Variants in NLRP5 observed in about 807,000 individuals in gnomAD.
The protein encoded by NLRP5 is NACHT, LRR and PYD domains-containing protein 5.
A neutral mutation model predicts 113.1 loss-of-function variants in NLRP5; 93 were observed. That is an observed-to-expected ratio of 0.82 (90% CI 0.70 to 0.98). NLRP5 has a LOEUF of 0.98. NLRP5 is among the 50% of genes least tolerant of loss of function. NLRP5 has a pLI of 0.00. For missense variants in NLRP5, 1,808 were observed against 1,514.3 expected (o/e 1.19, Z -3.22); for synonymous variants, 751 against 600.7 (o/e 1.25, Z -3.66).
Position 56,061,520 on chromosome 19 carries a change from A to G in NLRP5, c.3595A>G (p.Lys1199Glu). The change falls in exon 15 of 15, where the codon AAA (lysine) becomes GAA (glutamate). Residue 1199 changes from lysine to glutamate, a missense_variant. By Grantham distance (56) the Lys-to-Glu change is moderately conservative. Transcript: ENST00000390649. ...TGATGAAGATGACCGGTACTGGTGG[A>G]AAAACTGAAGATACGGAAACCTGCC... 1 of 1,613,958 alleles carries G rather than the reference A, an allele frequency of 6.2e-7. No individual in the cohort carries two copies.
chr19:56,025,746 C>T (rs572691413), intron 6 of NLRP5, among the ~76,000 whole-genome samples: 8 of 152,038 alleles, frequency 5.3e-5, no homozygotes, highest in South Asian at 2.1e-4. Flanking sequence ...TCCCCCATTG[C>T]GTGGGGGAAA....
intron 7 of NLRP5, among the ~76,000 whole-genome samples, chr19:56,031,338 A>G (rs1421268876): frequency 1.3e-5 from 2 of 152,134 alleles, no homozygotes; most frequent in Non-Finnish European, 2.9e-5. Context: ...TCAAAGTAGA[A>G]TCATGAGCCC....
chr19:56,045,785 G>A (rs913475811), intron 11 of NLRP5, among the ~76,000 whole-genome samples: 4 of 152,310 alleles, frequency 2.6e-5, no homozygotes, highest in Non-Finnish European at 4.4e-5. Flanking sequence ...GTCACAAGGT[G>A]GGAGGGGTCA....
At chr19:56,042,590 C>A (rs932160712) in intron 11 of NLRP5, among the ~76,000 whole-genome samples, 1 of 138,106 alleles carries the variant, frequency 7.2e-6, no homozygotes, top group South Asian at 2.3e-4. Context: ...CACAGGTGAT[C>A]TGCCTGCCTC....
upstream of NLRP5, among the ~76,000 whole-genome samples, chr19:55,994,870 T>G (rs1427753906): frequency 1.3e-5 from 2 of 152,214 alleles, no homozygotes; most frequent in Non-Finnish European, 2.9e-5. Flanking sequence ...TTCTGGTAGT[T>G]TTATTATTTC....
At chr19:56,044,750 G>A (rs1330766147) in intron 11 of NLRP5, among the ~76,000 whole-genome samples, 4 of 152,130 alleles carry the variant, frequency 2.6e-5, no homozygotes, top group Admixed American at 2.0e-4. Flanking sequence ...AAGAATGATG[G>A]TGGTATTTTG....
chr19:56,003,774 C>T lies in NLRP5; in HGVS notation c.121C>T (p.Pro41Ser), dbSNP rs374223870. ...TATATTACCAAAGAATCCACTTTTCCCCCAAAACCTGAGCTCTCAGCCTTG... is the reference window on the plus strand; with the variant it reads ...TATATTACCAAAGAATCCACTTTTCTCCCAAAACCTGAGCTCTCAGCCTTG... The change falls in exon 2 of 15, where the codon CCC becomes TCC. Residue 41 changes from proline (P) to serine (S), a missense_variant. Coordinates refer to ENST00000390649, the MANE Select transcript of NLRP5 (RefSeq NM_153447.4). 6.2e-7 allele frequency: 1 copy of T among 1,613,536 alleles called. No homozygotes were observed. Among genetic ancestry groups the T allele is most frequent in the African/African-American group, 1.3e-5 (1 of 74,880 alleles).
Position 56,033,562 on chromosome 19 carries a change from C to A in NLRP5, c.2468C>A (p.Thr823Asn). The change falls in exon 9 of 15, where the codon ACC (threonine) becomes AAC (asparagine). Residue 823 changes from threonine to asparagine, a missense_variant. Thr to Asn is a moderately conservative substitution (Grantham distance 65). Coordinates refer to ENST00000390649, the MANE Select transcript of NLRP5 (RefSeq NM_153447.4). ...TGCAGGTTTAGAAATGCACAGATTA[C>A]CCCTGGTGTGCAGCACCTCTGGAGA... 1 of 1,613,488 alleles carries A rather than the reference C, an allele frequency of 6.2e-7. No individual in the cohort carries two copies. Among genetic ancestry groups the A allele is most frequent in the Non-Finnish European group, 8.5e-7 (1 of 1,179,528 alleles).
At chr19:56,039,964 A>T (rs372819097) in intron 10 of NLRP5, among the ~76,000 whole-genome samples, 3 of 151,880 alleles carry the variant, frequency 2.0e-5, no homozygotes, top group African/African-American at 7.3e-5. Context: ...GATGTGTTAG[A>T]TGTAGTTTTG....
chr19:56,002,244 A>T (rs145554213), intron 1 of NLRP5, among the ~76,000 whole-genome samples: 2 of 152,226 alleles, frequency 1.3e-5, no homozygotes, highest in Non-Finnish European at 2.9e-5. Context: ...TGCCCATATT[A>T]AATTGGATCG....
rs80299465 is a variant in NLRP5, at chr19:56,004,101, C to T, written c.442+6C>T. On this transcript the variant is annotated splice_donor_region_variant and intron_variant, in intron 2 of 14. Coordinates refer to ENST00000390649, the MANE Select transcript of NLRP5 (RefSeq NM_153447.4). ...GGCACGGGATGACATGAAAAGTAAG[C>T]GAGACTTGGGACAAGTCTAGGGCAG... 2,603 of 1,595,092 alleles carry T rather than the reference C, an allele frequency of 1.6e-3. 57 individuals are homozygous for T. The East Asian group carries it at 0.048, about 29-fold the overall frequency.
At chr19:56,037,986 A>G in intron 9 of NLRP5, 39 bp from the exon 10 acceptor site, 1 of 1,610,272 alleles carries the variant, frequency 6.2e-7, no homozygotes, top group Non-Finnish European at 8.5e-7. Context: ...GCTGCTTTGG[A>G]CAAGAGCTGG....
the NLRP5 span, among the ~76,000 whole-genome samples, chr19:55,991,486 A>T: frequency 1.3e-5 from 2 of 152,076 alleles, no homozygotes; most frequent in Non-Finnish European, 2.9e-5. Context: ...GCCTCACCAC[A>T]TTGAGCCTTT....
At chr19:56,040,523 T>C (rs1599902549) in intron 10 of NLRP5, among the ~76,000 whole-genome samples, 1 of 152,088 alleles carries the variant, frequency 6.6e-6, no homozygotes, top group East Asian at 1.9e-4. Flanking sequence ...GCTGAGATCA[T>C]GCCACTGCAC....
chr19:56,022,018 C>G (rs1568488528), intron 6 of NLRP5, among the ~76,000 whole-genome samples: 1 of 152,132 alleles, frequency 6.6e-6, no homozygotes, highest in South Asian at 2.1e-4. Context: ...TAATGTTGAT[C>G]CTGTGTGAGC....
intron 13 of NLRP5, among the ~76,000 whole-genome samples, chr19:56,057,153 C>T (rs868298319): frequency 6.6e-6 from 1 of 152,122 alleles, no homozygotes; most frequent in Admixed American, 6.6e-5. Flanking sequence ...TGGATTTTTT[C>T]TTTTTCAATC....
chr19:56,060,763 C>T (rs187678292), intron 14 of NLRP5, among the ~76,000 whole-genome samples: 3 of 152,138 alleles, frequency 2.0e-5, no homozygotes, highest in Admixed American at 6.6e-5. Flanking sequence ...AGGGAACATG[C>T]TACTGTTATC....
intron 6 of NLRP5, among the ~76,000 whole-genome samples, chr19:56,025,766 G>A (rs1568490258): frequency 6.6e-6 from 1 of 152,024 alleles, no homozygotes; most frequent in African/African-American, 2.4e-5. Context: ...ACCAAGGGAT[G>A]GAACAGGAGG....
Position 56,027,303 on chromosome 19 carries a change from T to G in NLRP5, c.1070T>G (p.Leu357Arg). 1.9e-6 allele frequency: 3 copies of G among 1,612,266 alleles called. No homozygotes were observed. The highest frequency in any genetic ancestry group is 2.5e-6 in the Non-Finnish European group (3 of 1,179,874). ...GAGATCATGTCCCGACCAGAAAGGC[T>G]GTTGTTCATCATTGACGGTTTCGAT... is the stretch of plus-strand genomic sequence containing the variant. Residue 357 changes from leucine (L) to arginine (R), a missense_variant, in exon 7 of 15, where the codon CTG becomes CGG. Physicochemically the swap from Leu to Arg is moderately radical, Grantham distance 102 (BLOSUM62 -2). Coordinates refer to ENST00000390649, the MANE Select transcript of NLRP5 (RefSeq NM_153447.4).
Sources: allele counts gnomAD v4.1 joint callset (sites outside exome capture counted in the v4.1 genomes callset), GRCh38; gene constraint gnomAD v4.1.1; transcripts MANE v1.5; gene names NCBI Gene and HGNC (gene_info 2026-07-23, HGNC 2026-07-21).